The following FEZF1 variants were observed in gnomAD, a reference collection of about 807,000 sequenced individuals.
FEZF1 encodes the protein fez family zinc finger protein 1.
In FEZF1, 8 loss-of-function variants were observed where a neutral mutation model predicts 32.4. That is an observed-to-expected ratio of 0.25 (90% CI 0.15 to 0.45). The LOEUF (loss-of-function observed/expected upper bound fraction) is 0.45, where lower values mean the gene tolerates loss of function less well. Ranked by LOEUF, FEZF1 falls within the 20% of genes least tolerant of loss-of-function variation. The probability of loss-of-function intolerance (pLI) is 1.00; values close to 1 mark genes in which losing one functional copy is unlikely to be tolerated. For synonymous variants in FEZF1, 259 were observed against 265.2 expected (o/e 0.98, Z 0.23); for missense variants, 546 against 622.3 (o/e 0.88, Z 1.31).
intron 1 of FEZF1, 93 bp downstream of exon 1, chr7:122,303,543 AG>A (rs2031139014): frequency 8.2e-5 from 32 of 388,712 alleles, no homozygotes; most frequent in African/African-American, 1.3e-4. Context: ...GGAAGGAGGG[AG>A]GGAAGGAAGG....
In FEZF1 at chr7:122,301,664, T is replaced by C. The variant is rs2031036190; in HGVS notation, c.*333A>G. ...TCTCAATAAATATAGCAGAAATTTG[T>C]TTAAACAAAACAAAACAAAATAAAC... On this transcript the variant is annotated 3_prime_UTR_variant, in exon 4 of 4. Coordinates refer to ENST00000442488, the MANE Select transcript of FEZF1 (RefSeq NM_001024613.4). The C allele has an allele frequency of 3.8e-6, 1 of 265,810 alleles. No homozygotes were observed. The highest frequency in any genetic ancestry group is 2.2e-5 in the African/African-American group (1 of 45,214). 16.5% of individuals were successfully genotyped at this position (265,810 alleles called of 1,614,324 possible).
chr7:122,305,546 T>C (rs2031248941), upstream of FEZF1: 1 of 152,230 alleles, frequency 6.6e-6, no homozygotes, highest in African/African-American at 2.4e-5. Context: ...CTTGACTCGA[T>C]CGGACCCCAC....
Position 122,302,147 on chromosome 7 carries a change from G to C in FEZF1, c.1278C>G (p.Ser426Arg). 1 of 1,614,198 alleles carries C rather than the reference G, an allele frequency of 6.2e-7. No homozygotes were observed. Among genetic ancestry groups the C allele is most frequent in the East Asian group, 2.2e-5 (1 of 44,884 alleles). The part of the protein sequence containing the change: ...KKHVRKLHDS[S>R]LGLARTPAGE... ...CAGCTGGCGTGCGGGCCAGCCCCAGGCTGCTGTCGTGCAGCTTGCGGACAT... is the reference window on the plus strand; with the variant it reads ...CAGCTGGCGTGCGGGCCAGCCCCAGCCTGCTGTCGTGCAGCTTGCGGACAT... The change falls in exon 4 of 4, where the codon AGC becomes AGG. Residue 426 changes from serine to arginine, a missense_variant. Transcript: ENST00000442488. The surrounding 1 kb of genome is among the most constrained non-coding windows in gnomAD (Gnocchi z 4.4).
At chr7:122,303,509 GGAA>G (rs2031124949) in intron 1 of FEZF1, 125 bp downstream of exon 1, 2 of 554,446 alleles carry the variant, frequency 3.6e-6, no homozygotes, top group Admixed American at 6.9e-5. Flanking sequence ...AAGGAAGGAA[GGAA>G]GGAAGGAAGG....
chr7:122,303,522 GA>G (rs1469453095), intron 1 of FEZF1, 114 bp downstream of exon 1: 11,159 of 455,216 alleles, frequency 0.025, 269 homozygotes, highest in Non-Finnish European at 0.031. Flanking sequence ...AGGAAGGAAG[GA>G]AGGAAGGAAG....
intron 1 of FEZF1, chr7:122,310,051 A>G (rs1029106189): frequency 9.2e-5 from 14 of 152,262 alleles, no homozygotes; most frequent in African/African-American, 3.4e-4. Context: ...AAGTGATCCC[A>G]TGAAATAAAA....
chr7:122,301,311 TTAAA>T lies in FEZF1; in HGVS notation c.*682_*685del, dbSNP rs1200047537. The T allele has an allele frequency of 6.6e-6, 1 of 152,226 alleles. No homozygotes were observed. The highest frequency in any genetic ancestry group is 1.5e-5 in the Non-Finnish European group (1 of 68,036). The allele number at this position is 152,226 out of a possible 1,614,324, so 9.4% of individuals were successfully genotyped here. On this transcript the variant is annotated 3_prime_UTR_variant, in exon 4 of 4. Coordinates refer to ENST00000442488, the MANE Select transcript of FEZF1 (RefSeq NM_001024613.4). ...TGAACAGAGCCCTAAAGTTTGTTGA[TTAAA>T]TAAGCATGTTCCAAGTATTTATTTC...
intron 1 of FEZF1, chr7:122,309,811 CACTGA>C (rs1183287016): frequency 6.6e-6 from 1 of 152,194 alleles, no homozygotes; most frequent in East Asian, 1.9e-4. Flanking sequence ...TATTGCTCTA[CACTGA>C]AATACTTGCC....
At position 122,301,733 on chromosome 7, in the gene FEZF1, A is replaced by C. The variant is rs1178301229; in HGVS notation, c.*264T>G. 1 of 407,290 alleles carries C rather than the reference A, an allele frequency of 2.5e-6. No individual in the cohort carries two copies. Among genetic ancestry groups the C allele is most frequent in the East Asian group, 3.7e-5 (1 of 26,946 alleles). 25.2% of individuals were successfully genotyped at this position (407,290 alleles called of 1,614,324 possible). A position where few individuals can be genotyped will look rare whatever the true frequency, so the allele number is the denominator to read the frequency against. ...ATGAAAAGTCTTTCCAAATTAAAAAAAAAGAAAAAGAAAAACAGAAAACAA... is the reference window on the plus strand; with the variant it reads ...ATGAAAAGTCTTTCCAAATTAAAAACAAAGAAAAAGAAAAACAGAAAACAA... On this transcript the variant is annotated 3_prime_UTR_variant, in exon 4 of 4. Transcript: ENST00000442488.
upstream of FEZF1, among the ~76,000 whole-genome samples, chr7:122,308,040 C>A (rs1055287309): frequency 6.6e-6 from 1 of 152,136 alleles, no homozygotes; most frequent in African/African-American, 2.4e-5. Flanking sequence ...GCTTTCAAAA[C>A]GTTTCAATGC....
rs938528614 is a variant in FEZF1 at position 122,303,848 on chromosome 7, T to C, written c.590A>G (p.Tyr197Cys). Residue 197 changes from tyrosine to cysteine, a missense_variant, in exon 1 of 4, where the codon TAT (tyrosine) becomes TGT (cysteine). Transcript: ENST00000442488. ...SSPLHPQPKT[Y>C]LAERNKLVVP... ...CACCAGTTTATTCCTTTCGGCTAAA[T>C]ACGTTTTTGGCTGCGGGTGCAAAGG... 13 of 1,614,082 alleles carry C rather than the reference T, an allele frequency of 8.1e-6. No individual in the cohort carries two copies. Among genetic ancestry groups the C allele is most frequent in the Non-Finnish European group, 1.1e-5 (13 of 1,180,036 alleles).
At position 122,302,461 on chromosome 7, in the gene FEZF1, C is replaced by T; in HGVS notation, c.1070-106G>A. On this transcript the variant is annotated intron_variant, in intron 3 of 3. Coordinates refer to ENST00000442488, the MANE Select transcript of FEZF1 (RefSeq NM_001024613.4). The surrounding 1 kb of genome is among the most constrained non-coding windows in gnomAD (Gnocchi z 4.4). ...CGCCAGGCAAGCAGAAGAGCCGCCA[C>T]AGGTCCCACAACAAGTGCAGGGCTA... is the stretch of plus-strand genomic sequence containing the variant. The T allele has an allele frequency of 6.6e-7, 1 of 1,510,706 alleles. No individual in the cohort carries two copies. The highest frequency in any genetic ancestry group is 1.2e-5 in the South Asian group (1 of 82,892). The allele number at this position is 1,510,706 out of a possible 1,614,324, so 93.6% of individuals were successfully genotyped here.
In FEZF1 at chr7:122,302,352, T is replaced by C; in HGVS notation, c.1073A>G (p.Asn358Ser). Residue 358 changes from asparagine to serine, a missense_variant, in exon 4 of 4, where the codon AAT becomes AGT. By Grantham distance (46) the Asn-to-Ser change is conservative. Coordinates refer to ENST00000442488, the MANE Select transcript of FEZF1 (RefSeq NM_001024613.4). This position sits in a 1 kb window ranked among gnomAD's most constrained non-coding sequence, Gnocchi z 4.4. ...FCGKGFHQKG[N>S]YKNHKLTHSG... is the part of the protein sequence containing the mutation. ...GTGGGTCAACTTGTGGTTTTTGTAA[T>C]TCCCTGAAACACACAAATGACAGGA... 1 of 1,613,930 alleles carries C rather than the reference T, an allele frequency of 6.2e-7. No homozygotes were observed. Among genetic ancestry groups the C allele is most frequent in the Non-Finnish European group, 8.5e-7 (1 of 1,179,996 alleles).
rs1356002331 is a variant in FEZF1, at chr7:122,303,514, GA to G, written c.801+122del. On this transcript the variant is annotated intron_variant, in intron 1 of 3. Transcript: ENST00000442488. Reference sequence around the variant, plus strand: ...GGAAGGAAGGAAGGAAGGAAGGAAGGAAGGAAGGAAGGAAGGAAGGAAGGAG... The same window carrying G: ...GGAAGGAAGGAAGGAAGGAAGGAAGGAGGAAGGAAGGAAGGAAGGAAGGAG... 996 of 545,352 alleles carry G rather than the reference GA, an allele frequency of 1.8e-3. 7 individuals carry two copies. The highest frequency in any genetic ancestry group is 5.6e-3 in the African/African-American group (235 of 42,332). The allele number at this position is 545,352 out of a possible 1,614,324, so 33.8% of individuals were successfully genotyped here.
At chr7:122,309,311 TC>T (rs1169685159), upstream of FEZF1, among the ~76,000 whole-genome samples, 1 of 152,218 alleles carries the variant, frequency 6.6e-6, no homozygotes, top group Non-Finnish European at 1.5e-5. Flanking sequence ...CACAGAGCCC[TC>T]CTCTCTTTGG....
upstream of FEZF1, chr7:122,309,653 T>G (rs2031372526): frequency 6.6e-6 from 1 of 152,072 alleles, no homozygotes; most frequent in Non-Finnish European, 1.5e-5. Flanking sequence ...AAAAAAGAAG[T>G]TTATAAAACA....
rs1445468226 is a variant in FEZF1 at position 122,302,515 on chromosome 7, G to A, written c.1070-160C>T. Among the ~76,000 whole-genome samples the A allele has an allele frequency of 6.6e-6, 1 of 152,060 alleles. No individual in the cohort carries two copies. The highest frequency in any genetic ancestry group is 2.4e-5 in the African/African-American group (1 of 41,410). ...TCTGTGCCTGCACTTGTCTCCCCAA[G>A]TTTATTTTCAAGCATCGCATCAACA... On this transcript the variant is annotated intron_variant, in intron 3 of 3. Coordinates refer to ENST00000442488, the MANE Select transcript of FEZF1 (RefSeq NM_001024613.4). The surrounding 1 kb of genome is among the most constrained non-coding windows in gnomAD (Gnocchi z 4.4).
chr7:122,306,085 G>T (rs2031271780), upstream of FEZF1: 1 of 152,334 alleles, frequency 6.6e-6, no homozygotes, highest in South Asian at 2.1e-4. Flanking sequence ...CGGCGATCAC[G>T]CAGAGCTGAA....
chr7:122,309,455 A>G (rs1480490327), upstream of FEZF1: 4 of 152,166 alleles, frequency 2.6e-5, no homozygotes, highest in African/African-American at 9.7e-5. Flanking sequence ...TCAGTTTGTG[A>G]AAGGAAATGA....
Sources: allele counts gnomAD v4.1 joint callset (sites outside exome capture counted in the v4.1 genomes callset), GRCh38; gene constraint gnomAD v4.1.1; non-coding constraint Gnocchi (gnomAD v3.1); transcripts MANE v1.5; gene names NCBI Gene and HGNC (gene_info 2026-07-23, HGNC 2026-07-21).